Variants in ZNF398 observed in about 807,000 individuals in gnomAD.
ZNF398 encodes zinc finger DNA binding protein ZER6.
A neutral mutation model predicts 41.9 loss-of-function variants in ZNF398; 18 were observed. The observed-to-expected ratio is 0.43, with a 90% CI of 0.30 to 0.64. ZNF398 has a LOEUF of 0.64. Among genes scored for constraint, ZNF398 ranks in the 30% least tolerant of loss-of-function variants. ZNF398 has a pLI of 0.14. For synonymous variants in ZNF398, 260 were observed against 308.8 expected (o/e 0.84, Z 1.66); for missense variants, 669 against 822.8 (o/e 0.81, Z 2.29).
At chr7:149,157,513 C>T (rs1468734883) in intron 2 of ZNF398, among the ~76,000 whole-genome samples, 57 of 137,412 alleles carry the variant, frequency 4.1e-4, no homozygotes, top group Non-Finnish European at 7.3e-4. Flanking sequence ...CCAGCCTGGG[C>T]GACAGAGACT....
chr7:149,178,451 A>C (rs978884222), intron 5 of ZNF398, among the ~76,000 whole-genome samples, 197 bp from the exon 6 acceptor site: 3 of 152,210 alleles, frequency 2.0e-5, no homozygotes, highest in Admixed American at 1.3e-4. Flanking sequence ...TGATCCTGTC[A>C]TAAAATAAAT....
At chr7:149,129,355 G>T (rs1826552771) in intron 2 of ZNF398, among the ~76,000 whole-genome samples, 1 of 152,028 alleles carries the variant, frequency 6.6e-6, no homozygotes, top group African/African-American at 2.4e-5. Context: ...ATCATTGTGT[G>T]TGAAAACAGT....
intron 4 of ZNF398, among the ~76,000 whole-genome samples, chr7:149,172,384 A>G (rs191340431): frequency 2.6e-3 from 394 of 152,250 alleles, no homozygotes; most frequent in African/African-American, 9.1e-3. Flanking sequence ...CTACCTGGCC[A>G]TTAGTCACTT....
Position 149,180,099 on chromosome 7 carries a change from T to C in ZNF398, c.*298T>C. The C allele has an allele frequency of 3.6e-6, 1 of 276,392 alleles. No individual in the cohort carries two copies. The highest frequency in any genetic ancestry group is 6.8e-6 in the Non-Finnish European group (1 of 146,000). 17.1% of individuals were successfully genotyped at this position (276,392 alleles called of 1,614,324 possible). On this transcript the variant is annotated 3_prime_UTR_variant, in exon 6 of 6. Coordinates refer to ENST00000475153, the MANE Select transcript of ZNF398 (RefSeq NM_170686.3). Reference sequence around the variant, plus strand: ...TTGCGGAGAGGTTGGAAAGCAGGATTTAACCTCTAGTTCTCTTGTTCTCAG... The same window carrying C: ...TTGCGGAGAGGTTGGAAAGCAGGATCTAACCTCTAGTTCTCTTGTTCTCAG...
chr7:149,173,896 C>A (rs1358439266), intron 4 of ZNF398, among the ~76,000 whole-genome samples: 6 of 148,094 alleles, frequency 4.1e-5, no homozygotes, highest in African/African-American at 7.4e-5. Context: ...TGGGTTCAAG[C>A]GATTCTCCTG....
chr7:149,157,977 G>A (rs1795021029), intron 2 of ZNF398, among the ~76,000 whole-genome samples: 1 of 152,164 alleles, frequency 6.6e-6, no homozygotes, highest in African/African-American at 2.4e-5. Context: ...AGCTACTCGG[G>A]AGGCTGTGGC....
intron 2 of ZNF398, among the ~76,000 whole-genome samples, chr7:149,141,691 T>A (rs902864240): frequency 3.4e-5 from 5 of 148,042 alleles, no homozygotes; most frequent in African/African-American, 5.0e-5. Context: ...CTTGACCTCG[T>A]GATCCACCTG....
intron 1 of ZNF398, among the ~76,000 whole-genome samples, chr7:149,126,834 C>G (rs1193912295): frequency 6.6e-6 from 1 of 152,166 alleles, no homozygotes; most frequent in African/African-American, 2.4e-5. Context: ...CCGGGCATGT[C>G]CCGTCGGGGA....
At chr7:149,126,523 A>C in exon 1 of ZNF398, 1 of 490,284 alleles carries the variant, frequency 2.0e-6, no homozygotes, top group Non-Finnish European at 3.6e-6. Flanking sequence ...GCGGTCGAAG[A>C]CGAGATGAGG....
chr7:149,142,394 G>C lies in ZNF398; in HGVS notation c.-489-11551G>C, dbSNP rs543737729. 4.3e-4 allele frequency among the ~76,000 whole-genome samples: 65 copies of C among 152,222 alleles called. 1 individual carries two copies. In the South Asian group the frequency reaches 0.013, roughly 30 times the overall value. On this transcript the variant is annotated intron_variant, in intron 2 of 6. Transcript: ENST00000426851. ...GTATATAAGATATTTGGGGCTGGGAGTGGTGGCTCACGCCTGTAATCCCAG... is the reference window on the plus strand; with the variant it reads ...GTATATAAGATATTTGGGGCTGGGACTGGTGGCTCACGCCTGTAATCCCAG...
intron 1 of ZNF398, among the ~76,000 whole-genome samples, chr7:149,151,827 C>CTCT (rs1827122846): frequency 6.8e-6 from 1 of 147,662 alleles, no homozygotes; most frequent in Non-Finnish European, 1.5e-5. Context: ...CGTTCTGTCG[C>CTCT]GTAGGCTGGA....
At chr7:149,162,312 G>T (rs1210696421) in intron 2 of ZNF398, among the ~76,000 whole-genome samples, 15 of 152,224 alleles carry the variant, frequency 9.9e-5, no homozygotes, top group Middle Eastern at 3.4e-3. Context: ...CTCCCGAGTA[G>T]CTGGGACTAC....
At chr7:149,141,700 T>A (rs912180621) in intron 2 of ZNF398, among the ~76,000 whole-genome samples, 2 of 151,326 alleles carry the variant, frequency 1.3e-5, no homozygotes, top group Admixed American at 6.6e-5. Context: ...GTGATCCACC[T>A]GCCTCGGCCT....
chr7:149,149,975 C>G (rs1042975412), intron 1 of ZNF398, among the ~76,000 whole-genome samples: 1 of 152,140 alleles, frequency 6.6e-6, no homozygotes, highest in Non-Finnish European at 1.5e-5. Context: ...TTGAACAGTG[C>G]CAGTCCACCC....
At chr7:149,162,908 G>A (rs1271032162) in intron 2 of ZNF398, among the ~76,000 whole-genome samples, 3 of 151,780 alleles carry the variant, frequency 2.0e-5, no homozygotes, top group Non-Finnish European at 2.9e-5. Context: ...GGGGGGCGGC[G>A]GAGGTTGCAG....
chr7:149,175,421 G>C (rs886277049), intron 4 of ZNF398, among the ~76,000 whole-genome samples: 1 of 152,058 alleles, frequency 6.6e-6, no homozygotes, highest in African/African-American at 2.4e-5. Flanking sequence ...GATCAGATGA[G>C]GCATGTTGTG....
chr7:149,172,789 T>A (rs1377624858), intron 4 of ZNF398, among the ~76,000 whole-genome samples: 2 of 152,200 alleles, frequency 1.3e-5, no homozygotes, highest in Admixed American at 1.3e-4. Context: ...ATATTGTGGG[T>A]TCAGTTCCAG....
chr7:149,178,988 T>C lies in ZNF398; in HGVS notation c.1116T>C (p.Cys372=). The C allele has an allele frequency of 6.2e-7, 1 of 1,614,166 alleles. No individual in the cohort carries two copies. Among genetic ancestry groups the C allele is most frequent in the South Asian group, 1.1e-5 (1 of 91,078 alleles). ...CSHATEHPLP[C]AQCPKHFTPQ... The stretch of plus-strand genomic sequence containing the variant: ...ATGCTACTGAGCACCCCTTACCCTG[T>C]GCCCAGTGCCCTAAGCACTTTACTC... Residue 372 remains cysteine, a synonymous_variant, in exon 6 of 6, where the codon TGT becomes TGC. Coordinates refer to ENST00000475153, the MANE Select transcript of ZNF398 (RefSeq NM_170686.3).
At chr7:149,161,585 A>G (rs1795105000) in intron 2 of ZNF398, among the ~76,000 whole-genome samples, 1 of 152,150 alleles carries the variant, frequency 6.6e-6, no homozygotes, top group African/African-American at 2.4e-5. Context: ...AAAACAAAAC[A>G]AAACCAAAAC....
Sources: gnomAD v4.1 joint callset for allele counts (sites outside exome capture counted in the v4.1 genomes callset) on GRCh38, gnomAD v4.1.1 for gene constraint, MANE v1.5 for transcripts, NCBI Gene and HGNC (gene_info 2026-07-23, HGNC 2026-07-21) for gene names.